The following MACROD2 variants were observed in gnomAD, a reference collection of about 807,000 sequenced individuals.
MACROD2 encodes the protein ADP-ribose glycohydrolase MACROD2.
In MACROD2, 36 loss-of-function variants were observed where a neutral mutation model predicts 70.4. The observed-to-expected ratio is 0.51, with a 90% confidence interval of 0.39 to 0.68. The LOEUF (loss-of-function observed/expected upper bound fraction) is 0.68. MACROD2 is among the 30% of genes least tolerant of loss of function. MACROD2 has a pLI of 0.00. For synonymous variants in MACROD2, 172 were observed against 178.8 expected, an observed-to-expected ratio of 0.96 and a Z score of 0.30; for missense variants, 496 against 538.4, an observed-to-expected ratio of 0.92 and a Z score of 0.78.
At chr20:14,981,038 G>C (rs1457726132) in intron 5 of MACROD2, among the ~76,000 whole-genome samples, 2 of 151,740 alleles carry the variant, frequency 1.3e-5, no homozygotes, top group African/African-American at 4.8e-5. Flanking sequence ...GTGTGTGTGT[G>C]TGTGTGTGTG....
chr20:14,606,987 A>T (rs188815410), intron 4 of MACROD2, among the ~76,000 whole-genome samples: 1 of 152,314 alleles, frequency 6.6e-6, no homozygotes, highest in East Asian at 1.9e-4. Flanking sequence ...GCACACAAAC[A>T]CATGTGATTC....
intron 3 of MACROD2, among the ~76,000 whole-genome samples, chr20:14,479,490 C>A (rs369738614): frequency 6.6e-6 from 1 of 152,276 alleles, no homozygotes; most frequent in East Asian, 1.9e-4. Context: ...GGAATGCTGG[C>A]CCTGGGTCAC....
intron 3 of MACROD2, among the ~76,000 whole-genome samples, chr20:14,265,628 C>T (rs780935278): frequency 1.3e-5 from 2 of 152,104 alleles, no homozygotes; most frequent in South Asian, 4.1e-4. Context: ...ACAACACTCT[C>T]ATGGATTTAG....
chr20:15,801,185 T>TAAAAAAAAAAA (rs1568569034), intron 8 of MACROD2, among the ~76,000 whole-genome samples: 1 of 89,640 alleles, frequency 1.1e-5, no homozygotes, highest in Admixed American at 1.1e-4. Flanking sequence ...GAATGATCAA[T>TAAAAAAAAAAA]TAAAAAAAAA....
intron 5 of MACROD2, among the ~76,000 whole-genome samples, chr20:15,013,853 T>C (rs1281483165): frequency 6.6e-6 from 1 of 152,166 alleles, no homozygotes; most frequent in African/African-American, 2.4e-5. Context: ...GCTTAGTGAC[T>C]GAAATGAAGC....
intron 6 of MACROD2, among the ~76,000 whole-genome samples, chr20:15,395,855 C>T (rs1339735286): frequency 6.6e-6 from 1 of 152,202 alleles, no homozygotes; most frequent in African/African-American, 2.4e-5. Context: ...CTGCCACTTT[C>T]TCAGACCTAG....
At chr20:16,020,501 G>A (rs1004969167) in intron 15 of MACROD2, among the ~76,000 whole-genome samples, 1 of 151,426 alleles carries the variant, frequency 6.6e-6, no homozygotes, top group Non-Finnish European at 1.5e-5. Context: ...AAGGAAGACT[G>A]TTTCTTATAT....
intron 5 of MACROD2, among the ~76,000 whole-genome samples, chr20:14,693,587 C>G (rs2071087486): frequency 6.6e-6 from 1 of 152,166 alleles, no homozygotes; most frequent in African/African-American, 2.4e-5. Context: ...TGTAATTAAT[C>G]ACTAATCCCA....
At chr20:15,477,615 C>T (rs975347584) in intron 7 of MACROD2, among the ~76,000 whole-genome samples, 7 of 152,094 alleles carry the variant, frequency 4.6e-5, no homozygotes, top group African/African-American at 1.7e-4. Flanking sequence ...GGTACATTAA[C>T]AAATGGGTTA....
At chr20:15,074,666 A>T (rs1419621241) in intron 5 of MACROD2, among the ~76,000 whole-genome samples, 1 of 152,164 alleles carries the variant, frequency 6.6e-6, no homozygotes, top group Non-Finnish European at 1.5e-5. Flanking sequence ...GAGTTAGAGG[A>T]CACATAGCTG....
At chr20:15,689,595 T>C (rs551558183) in intron 8 of MACROD2, among the ~76,000 whole-genome samples, 65 of 152,216 alleles carry the variant, frequency 4.3e-4, no homozygotes, top group African/African-American at 1.3e-3. Flanking sequence ...AGAAAACATC[T>C]AGTAAAATTT....
At chr20:14,769,380 A>G (rs1212149126) in intron 5 of MACROD2, among the ~76,000 whole-genome samples, 2 of 152,046 alleles carry the variant, frequency 1.3e-5, no homozygotes, top group Non-Finnish European at 1.5e-5. Context: ...ACACTTATTT[A>G]CTTTTGGCAA....
chr20:14,980,500 A>G (rs1237733814), intron 5 of MACROD2, among the ~76,000 whole-genome samples: 1 of 152,222 alleles, frequency 6.6e-6, no homozygotes, highest in African/African-American at 2.4e-5. Flanking sequence ...ATTCCATTAC[A>G]AACAACAGAA....
intron 8 of MACROD2, among the ~76,000 whole-genome samples, chr20:15,829,440 C>T (rs560287171): frequency 1.1e-4 from 17 of 152,038 alleles, no homozygotes; most frequent in South Asian, 2.1e-4. Flanking sequence ...AAAAACAAAA[C>T]ACAAATCATT....
intron 3 of MACROD2, among the ~76,000 whole-genome samples, chr20:14,091,134 AT>A (rs1320658242): frequency 6.6e-6 from 1 of 151,944 alleles, no homozygotes; most frequent in East Asian, 1.9e-4. Context: ...TTCTTTATAT[AT>A]TTTGGCTATT....
intron 3 of MACROD2, among the ~76,000 whole-genome samples, chr20:14,442,186 C>T (rs998202166): frequency 2.0e-5 from 3 of 152,096 alleles, no homozygotes; most frequent in Non-Finnish European, 2.9e-5. Context: ...AGGGGAATCA[C>T]TTGAACCCAG....
intron 3 of MACROD2, among the ~76,000 whole-genome samples, chr20:14,193,347 G>A (rs190273534): frequency 1.3e-5 from 2 of 152,304 alleles, no homozygotes; most frequent in Admixed American, 1.3e-4. Context: ...CTTTTATTAA[G>A]CACTATATGA....
At chr20:14,187,883 TG>T (rs1375059630) in intron 3 of MACROD2, among the ~76,000 whole-genome samples, 1 of 152,180 alleles carries the variant, frequency 6.6e-6, no homozygotes, top group Non-Finnish European at 1.5e-5. Flanking sequence ...CATGATCCAC[TG>T]GTCTGTACTA....
intron 3 of MACROD2, among the ~76,000 whole-genome samples, chr20:14,351,181 G>A (rs115552959): frequency 0.011 from 1,732 of 152,262 alleles, 29 homozygotes; most frequent in African/African-American, 0.039. Flanking sequence ...GTCAGGTAAT[G>A]TGGTTCCTTC....
Sources: allele counts gnomAD v4.1 joint callset (sites outside exome capture counted in the v4.1 genomes callset), GRCh38; gene constraint gnomAD v4.1.1; transcripts MANE v1.5; gene names NCBI Gene and HGNC (gene_info 2026-07-23, HGNC 2026-07-21).